Variants in MAPK10 observed in about 807,000 individuals in gnomAD.
The protein encoded by MAPK10 is JNK3 alpha protein kinase.
In MAPK10, 25 loss-of-function variants were observed where a neutral mutation model predicts 59.3. The ratio of observed to expected loss-of-function variants is 0.42; its 90% confidence interval spans 0.31 to 0.59. MAPK10 has a LOEUF of 0.59. Ranked by LOEUF, MAPK10 falls within the 20% of genes least tolerant of loss-of-function variation. The pLI is 0.15. For synonymous variants in MAPK10, 190 were observed against 200.5 expected (o/e 0.95, Z 0.44); for missense variants, 351 against 568.9 (o/e 0.62, Z 3.90).
intron 1 of MAPK10, among the ~76,000 whole-genome samples, chr4:86,513,639 C>A (rs558037638): frequency 6.6e-6 from 1 of 152,242 alleles, no homozygotes; most frequent in African/African-American, 2.4e-5. Flanking sequence ...AATCCTACTA[C>A]TTGATTTATT....
intron 1 of MAPK10, among the ~76,000 whole-genome samples, chr4:86,394,191 C>T (rs1436959376): frequency 6.6e-6 from 1 of 152,034 alleles, no homozygotes. Flanking sequence ...ATTGCTTGAA[C>T]CCAGGAGGCA....
In MAPK10 at chr4:86,119,668, A is replaced by C. The variant is rs1436463572; in HGVS notation, c.237-12316T>G. 3.3e-5 allele frequency: 5 copies of C among 152,124 alleles called. 1 individual carries two copies. The highest frequency in any genetic ancestry group is 4.8e-5 in the African/African-American group (2 of 41,412). The allele number at this position is 152,124 out of a possible 1,614,324, so 9.4% of individuals were successfully genotyped here. A position where few individuals can be genotyped will look rare whatever the true frequency, so the allele number is the denominator to read the frequency against. On this transcript the variant is annotated intron_variant, in intron 4 of 13. Coordinates refer to ENST00000641462, the MANE Select transcript of MAPK10 (RefSeq NM_138982.4). ...AATGGTGTAGGTGCTGTGATGCAAG[A>C]AGATTCCCTGTCAGGAATAAAGGGC...
At chr4:86,579,795 G>A (rs1227947433) in intron 1 of MAPK10, among the ~76,000 whole-genome samples, 8 of 151,936 alleles carry the variant, frequency 5.3e-5, no homozygotes, top group Non-Finnish European at 1.2e-4. Flanking sequence ...TTTAAAATCA[G>A]ATGTATGTTT....
intron 1 of MAPK10, among the ~76,000 whole-genome samples, chr4:86,492,145 T>C (rs1754501692): frequency 1.3e-5 from 2 of 152,186 alleles, no homozygotes; most frequent in South Asian, 4.1e-4. Flanking sequence ...GTGAGTTTTT[T>C]CTAAGGGTAA....
chr4:86,441,178 T>C (rs943860987), intron 1 of MAPK10, among the ~76,000 whole-genome samples: 2 of 152,240 alleles, frequency 1.3e-5, no homozygotes, highest in Admixed American at 1.3e-4. Flanking sequence ...TGTATTTTCA[T>C]GTGCATGTTT....
chr4:86,277,549 G>C (rs974000479), intron 2 of MAPK10, among the ~76,000 whole-genome samples: 4 of 152,090 alleles, frequency 2.6e-5, no homozygotes, highest in South Asian at 2.1e-4. Context: ...ACTTTTTAAA[G>C]TGCCTAAGTA....
At chr4:86,026,472 T>C (rs941392889) in intron 13 of MAPK10, 1 of 152,238 alleles carries the variant, frequency 6.6e-6, no homozygotes, top group African/African-American at 2.4e-5. Context: ...ATCTGAAGTT[T>C]AGATTTATCT....
chr4:86,367,684 T>A (rs905882232), intron 1 of MAPK10, among the ~76,000 whole-genome samples: 1 of 151,814 alleles, frequency 6.6e-6, no homozygotes, highest in Non-Finnish European at 1.5e-5. Context: ...TTTTTTTTGG[T>A]GAAACATGTG....
chr4:86,343,105 G>A (rs1726015518), intron 2 of MAPK10, among the ~76,000 whole-genome samples: 1 of 152,058 alleles, frequency 6.6e-6, no homozygotes, highest in Non-Finnish European at 1.5e-5. Flanking sequence ...TCTGCTCCTT[G>A]ATCATTCTGT....
intron 9 of MAPK10, among the ~76,000 whole-genome samples, chr4:86,070,201 A>C (rs1014145508): frequency 3.3e-5 from 5 of 152,106 alleles, no homozygotes; most frequent in African/African-American, 1.2e-4. Flanking sequence ...CTGTGTCTTT[A>C]TTTTAACCAA....
At chr4:86,109,628 T>A (rs1219800967) in intron 4 of MAPK10, among the ~76,000 whole-genome samples, 1 of 152,238 alleles carries the variant, frequency 6.6e-6, no homozygotes, top group African/African-American at 2.4e-5. Flanking sequence ...CTTTATCCAG[T>A]CTATCATTGA....
rs149842090 is a variant in MAPK10, at chr4:86,148,243, C to T, written c.236+11055G>A. Among the ~76,000 whole-genome samples, 574 of 152,178 alleles carry T rather than the reference C, an allele frequency of 3.8e-3. 4 individuals are homozygous for T. The highest frequency in any genetic ancestry group is 0.011 in the Admixed American group (168 of 15,300). On this transcript the variant is annotated intron_variant, in intron 4 of 13. Coordinates refer to ENST00000641462, the MANE Select transcript of MAPK10 (RefSeq NM_138982.4). The stretch of plus-strand genomic sequence containing the variant: ...CAGTAGAAAAGGTGACTTGAGACTT[C>T]GCAGAAAAGGTGACCCCATAACTGA...
chr4:86,358,503 G>T, intron 1 of MAPK10: 1 of 331,052 alleles, frequency 3.0e-6, no homozygotes, highest in Non-Finnish European at 4.3e-6. Context: ...ACACTGTCAG[G>T]CTCTGCACCA....
chr4:86,277,734 A>T (rs2094634526), intron 2 of MAPK10, among the ~76,000 whole-genome samples: 1 of 152,100 alleles, frequency 6.6e-6, no homozygotes, highest in Non-Finnish European at 1.5e-5. Flanking sequence ...CACATCAAAC[A>T]TTGGCTTATT....
intron 2 of MAPK10, among the ~76,000 whole-genome samples, chr4:86,204,221 G>A (rs753231626): frequency 2.0e-5 from 3 of 151,960 alleles, no homozygotes; most frequent in African/African-American, 7.2e-5. Flanking sequence ...CATTAGCCTC[G>A]ATAGAAAGGC....
At chr4:86,304,387 C>CTTTTTTT (rs1162506350) in intron 2 of MAPK10, among the ~76,000 whole-genome samples, 9 of 112,540 alleles carry the variant, frequency 8.0e-5, no homozygotes, top group South Asian at 2.9e-4. Flanking sequence ...TGGAGTATTT[C>CTTTTTTT]TTTTTTTTTT....
intron 4 of MAPK10, chr4:86,159,050 T>C (rs1267928256): frequency 1.5e-5 from 5 of 325,740 alleles, no homozygotes; most frequent in Non-Finnish European, 2.2e-5. Flanking sequence ...TTTATGATTC[T>C]TGTGTAATAA....
chr4:86,579,056 C>A (rs1438800258), intron 1 of MAPK10, among the ~76,000 whole-genome samples: 2 of 152,028 alleles, frequency 1.3e-5, no homozygotes, highest in Non-Finnish European at 2.9e-5. Flanking sequence ...ATGGAAAAAA[C>A]AAATCTAACT....
chr4:86,106,996 A>G (rs1240971454), intron 5 of MAPK10: 1 of 279,946 alleles, frequency 3.6e-6, no homozygotes, highest in East Asian at 6.2e-5. Context: ...CTAGGGAAAT[A>G]TTTATAAAAT....
Sources: gnomAD v4.1 joint callset for allele counts (sites outside exome capture counted in the v4.1 genomes callset) on GRCh38, gnomAD v4.1.1 for gene constraint, MANE v1.5 for transcripts, NCBI Gene and HGNC (gene_info 2026-07-23, HGNC 2026-07-21) for gene names.